The following PLCB1 variants were observed in gnomAD, a reference collection of about 807,000 sequenced individuals.
PLCB1 encodes phospholipase C beta 1.
A neutral mutation model predicts 161.8 loss-of-function variants in PLCB1; 46 were observed. The observed-to-expected ratio is 0.28, with a 90% confidence interval of 0.22 to 0.36. The LOEUF (loss-of-function observed/expected upper bound fraction) is 0.36, where lower values mean the gene tolerates loss of function less well. Ranked by LOEUF, PLCB1 falls within the 10% of genes least tolerant of loss-of-function variation. PLCB1 has a pLI of 1.00. For missense variants in PLCB1, 1,016 were observed against 1,472.5 expected (o/e 0.69, Z 5.07); for synonymous variants, 517 against 503.7 (o/e 1.03, Z -0.35).
At chr20:8,859,242 A>C (rs1987173336) in intron 31 of PLCB1, among the ~76,000 whole-genome samples, 1 of 152,252 alleles carries the variant, frequency 6.6e-6, no homozygotes, top group Non-Finnish European at 1.5e-5. Flanking sequence ...CGAATCCAGA[A>C]TATTTATAAA....
At chr20:8,405,369 C>A (rs1978740113) in intron 3 of PLCB1, among the ~76,000 whole-genome samples, 1 of 152,142 alleles carries the variant, frequency 6.6e-6, no homozygotes, top group Non-Finnish European at 1.5e-5. Context: ...GAAAGCAGAA[C>A]AGTAAGAGAC....
At chr20:8,146,845 G>A (rs891854970) in intron 1 of PLCB1, among the ~76,000 whole-genome samples, 9 of 152,000 alleles carry the variant, frequency 5.9e-5, no homozygotes, top group Admixed American at 2.6e-4. Flanking sequence ...ACAGTAAAAC[G>A]TATTATATCA....
chr20:8,538,675 T>C (rs922130399), intron 3 of PLCB1, among the ~76,000 whole-genome samples: 3 of 152,054 alleles, frequency 2.0e-5, no homozygotes, highest in African/African-American at 7.2e-5. Flanking sequence ...ATGTCAGACA[T>C]ATTAAACAAC....
chr20:8,447,330 G>C (rs1980878361), intron 3 of PLCB1, among the ~76,000 whole-genome samples: 1 of 152,158 alleles, frequency 6.6e-6, no homozygotes, highest in African/African-American at 2.4e-5. Context: ...ATTTGGACAA[G>C]CAGCATATCT....
chr20:8,737,872 G>C (rs983953346), intron 20 of PLCB1, among the ~76,000 whole-genome samples: 15 of 152,166 alleles, frequency 9.9e-5, no homozygotes, highest in Admixed American at 6.5e-5. Context: ...TATGTTAACT[G>C]AGTTTAATAA....
At position 8,831,914 on chromosome 20, in the gene PLCB1, CTTT is replaced by C. The variant is rs1568616980; in HGVS notation, c.3423+41654_3423+41656del. ...TTTCTTTCTCCCTCTCTTTCTTTCTCTTTCTTTCTTTCTTTCTTTCTTTCTTTC... is the reference window on the plus strand; with the variant it reads ...TTTCTTTCTCCCTCTCTTTCTTTCTCCTTTCTTTCTTTCTTTCTTTCTTTC... On this transcript the variant is annotated intron_variant, in intron 31 of 31. Transcript: ENST00000338037. 3.1e-3 allele frequency among the ~76,000 whole-genome samples: 32 copies of C among 10,374 alleles called. No homozygotes were observed. The East Asian group carries it at 0.052, about 17-fold the overall frequency. 6.8% of individuals were successfully genotyped at this position (10,374 alleles called of 152,430 possible).
At chr20:8,340,140 C>T (rs978700607) in intron 2 of PLCB1, among the ~76,000 whole-genome samples, 1 of 152,132 alleles carries the variant, frequency 6.6e-6, no homozygotes, top group African/African-American at 2.4e-5. Flanking sequence ...ATTGATAATT[C>T]TAGTGAAATA....
chr20:8,789,972 T>C (rs1458457270), intron 30 of PLCB1, among the ~76,000 whole-genome samples: 2 of 152,188 alleles, frequency 1.3e-5, no homozygotes, highest in African/African-American at 2.4e-5. Context: ...GTGCAGTCCA[T>C]TGATCACCAC....
chr20:8,325,122 AAAAG>A (rs1472647563), intron 2 of PLCB1, among the ~76,000 whole-genome samples: 6 of 152,202 alleles, frequency 3.9e-5, no homozygotes, highest in Non-Finnish European at 7.3e-5. Flanking sequence ...GGTGAGGCAG[AAAAG>A]AAAGGACATT....
chr20:8,413,468 C>A (rs1272298340), intron 3 of PLCB1, among the ~76,000 whole-genome samples: 1 of 152,120 alleles, frequency 6.6e-6, no homozygotes, highest in East Asian at 1.9e-4. Context: ...TTTTAAAATC[C>A]GAATCTGCTT....
At chr20:8,463,882 A>C (rs1405542033) in intron 3 of PLCB1, among the ~76,000 whole-genome samples, 1 of 152,110 alleles carries the variant, frequency 6.6e-6, no homozygotes, top group Non-Finnish European at 1.5e-5. Context: ...TCACTCACAT[A>C]TTTATCAGCA....
At chr20:8,174,836 G>A (rs569023247) in intron 2 of PLCB1, among the ~76,000 whole-genome samples, 2 of 152,200 alleles carry the variant, frequency 1.3e-5, no homozygotes, top group Admixed American at 1.3e-4. Flanking sequence ...ATTGCATGAG[G>A]CCAGGAGTTT....
intron 3 of PLCB1, among the ~76,000 whole-genome samples, chr20:8,459,844 A>G (rs542219031): frequency 6.6e-6 from 1 of 152,346 alleles, no homozygotes; most frequent in South Asian, 2.1e-4. Context: ...AAACCAGAGT[A>G]TATTCAACAA....
At chr20:8,735,450 A>T (rs978085556) in intron 19 of PLCB1, among the ~76,000 whole-genome samples, 3 of 152,220 alleles carry the variant, frequency 2.0e-5, no homozygotes, top group Admixed American at 6.5e-5. Context: ...ACTGCAGTAG[A>T]GTCCTACCTT....
At chr20:8,614,502 T>G (rs1987993999) in intron 3 of PLCB1, among the ~76,000 whole-genome samples, 1 of 152,046 alleles carries the variant, frequency 6.6e-6, no homozygotes, top group Non-Finnish European at 1.5e-5. Flanking sequence ...TATTTCTATA[T>G]TTATAAATAT....
At chr20:8,434,478 G>A (rs2122589463) in intron 3 of PLCB1, among the ~76,000 whole-genome samples, 1 of 152,286 alleles carries the variant, frequency 6.6e-6, no homozygotes, top group African/African-American at 2.4e-5. Context: ...ACTCCTAAGG[G>A]AGTGCCTAAA....
intron 31 of PLCB1, among the ~76,000 whole-genome samples, chr20:8,839,024 T>G (rs1430714214): frequency 6.6e-6 from 1 of 152,244 alleles, no homozygotes; most frequent in Non-Finnish European, 1.5e-5. Context: ...TGTTATAATT[T>G]AGTTCACAGG....
chr20:8,440,854 A>G (rs1029379228), intron 3 of PLCB1, among the ~76,000 whole-genome samples: 7 of 151,586 alleles, frequency 4.6e-5, no homozygotes, highest in Non-Finnish European at 8.8e-5. Context: ...ATATATATAT[A>G]TGATAATTAC....
intron 3 of PLCB1, among the ~76,000 whole-genome samples, chr20:8,564,615 C>T (rs1445116008): frequency 6.6e-6 from 1 of 152,026 alleles, no homozygotes; most frequent in African/African-American, 2.4e-5. Flanking sequence ...TCAGAATCTA[C>T]AAAGAGCTTA....
Sources: allele counts gnomAD v4.1 joint callset (sites outside exome capture counted in the v4.1 genomes callset), GRCh38; gene constraint gnomAD v4.1.1; transcripts MANE v1.5; gene names NCBI Gene and HGNC (gene_info 2026-07-23, HGNC 2026-07-21).